The following KCNH7 variants were observed in gnomAD, a reference collection of about 807,000 sequenced individuals.
KCNH7 encodes potassium voltage-gated channel subfamily H member 7.
A neutral mutation model predicts 120.8 loss-of-function variants in KCNH7; 49 were observed. The ratio of observed to expected loss-of-function variants is 0.41; its 90% CI spans 0.32 to 0.51. The LOEUF (loss-of-function observed/expected upper bound fraction) is 0.51, where lower values mean the gene tolerates loss of function less well. Ranked by LOEUF, KCNH7 falls within the 20% of genes least tolerant of loss-of-function variation. The pLI is 0.38. For missense variants in KCNH7, 1,097 were observed against 1,446.6 expected, an observed-to-expected ratio of 0.76 and a Z score of 3.92; for synonymous variants, 547 against 516.1, an observed-to-expected ratio of 1.06 and a Z score of -0.81.
chr2:162,433,008 A>G (rs1268967115), intron 8 of KCNH7, among the ~76,000 whole-genome samples: 2 of 152,100 alleles, frequency 1.3e-5, no homozygotes, highest in Admixed American at 6.6e-5. Context: ...TAATGTTCCA[A>G]ATCAAGAATG....
intron 7 of KCNH7, 143 bp from the exon 8 acceptor site, chr2:162,435,740 GTTC>G: frequency 2.5e-6 from 2 of 788,090 alleles, no homozygotes; most frequent in East Asian, 2.8e-5. Context: ...ATTAAACTTG[GTTC>G]TTTTTTTTTT....
At chr2:162,779,179 ATTTTTTTTG>A (rs1402082699) in intron 2 of KCNH7, among the ~76,000 whole-genome samples, 1 of 151,482 alleles carries the variant, frequency 6.6e-6, no homozygotes, top group Non-Finnish European at 1.5e-5. Flanking sequence ...GCCAGTCTTA[ATTTTTTTTG>A]TTTTTTTTGT....
At chr2:162,605,695 C>T (rs1437510005) in intron 2 of KCNH7, among the ~76,000 whole-genome samples, 1 of 152,050 alleles carries the variant, frequency 6.6e-6, no homozygotes, top group Non-Finnish European at 1.5e-5. Context: ...GTGTGAATTC[C>T]ACAACTATCA....
chr2:162,392,793 A>C (rs1573906682), intron 12 of KCNH7, among the ~76,000 whole-genome samples: 1 of 151,990 alleles, frequency 6.6e-6, no homozygotes, highest in Admixed American at 6.6e-5. Context: ...AATAAGACTG[A>C]AGAGGTAAGT....
intron 2 of KCNH7, among the ~76,000 whole-genome samples, chr2:162,601,990 G>C (rs1294648694): frequency 6.6e-6 from 1 of 152,060 alleles, no homozygotes; most frequent in Non-Finnish European, 1.5e-5. Context: ...GTCTCACTGG[G>C]AGAGGAACTG....
At chr2:162,411,512 T>C (rs1687391901) in intron 9 of KCNH7, among the ~76,000 whole-genome samples, 1 of 151,970 alleles carries the variant, frequency 6.6e-6, no homozygotes, top group East Asian at 1.9e-4. Context: ...GGGCACTATG[T>C]TCACTACCTT....
chr2:162,771,251 C>T (rs1683043158), intron 2 of KCNH7, among the ~76,000 whole-genome samples: 1 of 152,156 alleles, frequency 6.6e-6, no homozygotes. Context: ...CAGGGAACTT[C>T]ATGATCAAAA....
intron 2 of KCNH7, among the ~76,000 whole-genome samples, chr2:162,702,382 C>T (rs750684531): frequency 8.5e-5 from 13 of 152,066 alleles, no homozygotes; most frequent in Non-Finnish European, 1.8e-4. Context: ...TCAATATGTT[C>T]TGTCAAATAA....
At chr2:162,682,568 T>A (rs1373488034) in intron 2 of KCNH7, among the ~76,000 whole-genome samples, 1 of 151,888 alleles carries the variant, frequency 6.6e-6, no homozygotes, top group Non-Finnish European at 1.5e-5. Flanking sequence ...GGCATTTATT[T>A]ATTTTTCAAA....
Position 162,586,283 on chromosome 2 carries a change from A to C in KCNH7, c.308-49203T>G, listed in dbSNP as rs560800843. Among the ~76,000 whole-genome samples, 3 of 152,192 alleles carry C rather than the reference A, an allele frequency of 2.0e-5. No homozygotes were observed. The South Asian group carries it at 6.2e-4, about 32-fold the overall frequency. ...GTGACACTGTGCAACTTTTGAGATG[A>C]GACCTCAAAAGGCCTTCCTTATAGC... On this transcript the variant is annotated intron_variant, in intron 2 of 15. Transcript: ENST00000332142.
In KCNH7 at chr2:162,430,278, T is replaced by C. The variant is rs150679901; in HGVS notation, c.1954+4920A>G. ...ATCTATGTGAGCTCTGGAAATTGTT[T>C]AGCTTATAGTACTTCTGGAATTTCT... On this transcript the variant is annotated intron_variant, in intron 8 of 15. Coordinates refer to ENST00000332142, the MANE Select transcript of KCNH7 (RefSeq NM_033272.4). Among the ~76,000 whole-genome samples, 1,111 of 152,192 alleles carry C rather than the reference T, an allele frequency of 7.3e-3. 9 individuals carry two copies. Among genetic ancestry groups the C allele is most frequent in the Non-Finnish European group, 0.011 (755 of 67,976 alleles).
At chr2:162,764,546 TATAGA>T (rs1467245770) in intron 2 of KCNH7, among the ~76,000 whole-genome samples, 2 of 152,172 alleles carry the variant, frequency 1.3e-5, no homozygotes, top group Non-Finnish European at 2.9e-5. Context: ...CTTTAAAATG[TATAGA>T]ATAGACTTAT....
intron 2 of KCNH7, among the ~76,000 whole-genome samples, chr2:162,705,363 G>A (rs1028504385): frequency 6.6e-6 from 1 of 152,066 alleles, no homozygotes; most frequent in African/African-American, 2.4e-5. Flanking sequence ...CAACTGTAAG[G>A]TGTAATGGCA....
chr2:162,544,239 T>C (rs539583186), intron 2 of KCNH7, among the ~76,000 whole-genome samples: 1 of 152,250 alleles, frequency 6.6e-6, no homozygotes, highest in South Asian at 2.1e-4. Flanking sequence ...CTTAGCTTCT[T>C]TCAGCAAGCT....
chr2:162,689,121 A>G (rs1686007908), intron 2 of KCNH7, among the ~76,000 whole-genome samples: 2 of 149,024 alleles, frequency 1.3e-5, no homozygotes, highest in African/African-American at 5.0e-5. Flanking sequence ...ACAGTATTTC[A>G]TTATTGTATT....
intron 2 of KCNH7, among the ~76,000 whole-genome samples, chr2:162,544,539 C>G (rs1692413854): frequency 6.6e-6 from 1 of 152,094 alleles, no homozygotes; most frequent in Non-Finnish European, 1.5e-5. Flanking sequence ...CACTTTGTGC[C>G]CTTTCTGTTT....
chr2:162,572,647 C>T (rs371017617), intron 2 of KCNH7, among the ~76,000 whole-genome samples: 1,631 of 122,906 alleles, frequency 0.013, 24 homozygotes, highest in South Asian at 0.042. Flanking sequence ...GGAACCAACC[C>T]AAATGTCCAA....
intron 6 of KCNH7, 42 bp from the exon 7 acceptor site, chr2:162,446,485 A>AT (rs1192096119): frequency 1.4e-6 from 2 of 1,427,028 alleles, no homozygotes; most frequent in Non-Finnish European, 1.9e-6. Context: ...TAAATATGCC[A>AT]TTTTTAATCT....
rs1321941167 is a variant in KCNH7, at chr2:162,394,458, T to A, written c.2641A>T (p.Asn881Tyr). Reference protein sequence around the residue: ...KADLLRSQSMNDSEGDNCKLR... With the variant: ...KADLLRSQSMYDSEGDNCKLR... ...TTACAGTTGTCTCCTTCTGAATCAT[T>A]CATGGATTGTGATCGTAGGAGATCA... Residue 881 changes from asparagine (N) to tyrosine (Y), a missense_variant, in exon 12 of 16, where the codon AAT becomes TAT. Asn to Tyr is a moderately radical substitution (Grantham distance 143, BLOSUM62 -2). Coordinates refer to ENST00000332142, the MANE Select transcript of KCNH7 (RefSeq NM_033272.4). 6.2e-7 allele frequency: 1 copy of A among 1,605,788 alleles called. No individual in the cohort carries two copies. The highest frequency in any genetic ancestry group is 8.5e-7 in the Non-Finnish European group (1 of 1,173,442).
Sources: gnomAD v4.1 joint callset for allele counts (sites outside exome capture counted in the v4.1 genomes callset) on GRCh38, gnomAD v4.1.1 for gene constraint, MANE v1.5 for transcripts, NCBI Gene and HGNC (gene_info 2026-07-23, HGNC 2026-07-21) for gene names.